The following THSD7B variants were observed in gnomAD, a reference collection of about 807,000 sequenced individuals.
THSD7B encodes the protein thrombospondin type 1 domain containing 7B, also known as thrombospondin type-1 domain-containing protein 7B.
Under a neutral mutation model 213.6 loss-of-function variants are expected in THSD7B, and 138 were observed. The observed-to-expected ratio is 0.65, with a 90% CI of 0.56 to 0.74. The LOEUF (loss-of-function observed/expected upper bound fraction) is 0.74. THSD7B is among the 30% of genes least tolerant of loss of function. The pLI is 0.00. For synonymous variants in THSD7B, 742 were observed against 687.0 expected (o/e 1.08, Z -1.25); for missense variants, 1,931 against 1,991.5 (o/e 0.97, Z 0.58).
chr2:136,962,127 A>G (rs1442746471), intron 2 of THSD7B, among the ~76,000 whole-genome samples: 1 of 152,236 alleles, frequency 6.6e-6, no homozygotes, highest in East Asian at 1.9e-4. Context: ...GAAAGACTGC[A>G]CAAGCCATTG....
In THSD7B at chr2:137,054,372, A is replaced by G. The variant is rs141737532; in HGVS notation, c.140-2048A>G. On this transcript the variant is annotated intron_variant, in intron 2 of 27. Transcript: ENST00000409968. Reference sequence around the variant, plus strand: ...AAGTGGCAGAAGGCATTGACATGCTATTGCCAAGAATGCCAGGTGTATATG... The same window carrying G: ...AAGTGGCAGAAGGCATTGACATGCTGTTGCCAAGAATGCCAGGTGTATATG... 1.2e-3 allele frequency among the ~76,000 whole-genome samples: 186 copies of G among 152,326 alleles called. 3 individuals are homozygous for G. The highest frequency in any genetic ancestry group is 3.8e-3 in the African/African-American group (159 of 41,570).
chr2:137,375,761 A>G (rs1685640268), intron 12 of THSD7B, among the ~76,000 whole-genome samples: 1 of 152,206 alleles, frequency 6.6e-6, no homozygotes, highest in Non-Finnish European at 1.5e-5. Flanking sequence ...GAAGATATGG[A>G]GATGAATAAA....
chr2:137,408,003 C>A (rs960953492), intron 13 of THSD7B, among the ~76,000 whole-genome samples: 1 of 151,344 alleles, frequency 6.6e-6, no homozygotes, highest in Non-Finnish European at 1.5e-5. Flanking sequence ...AAGAAAAAGT[C>A]TTTAGAATTG....
intron 2 of THSD7B, among the ~76,000 whole-genome samples, chr2:137,043,482 A>G (rs1686918029): frequency 6.6e-6 from 1 of 152,200 alleles, no homozygotes; most frequent in Admixed American, 6.5e-5. Context: ...TCTCTGGGGA[A>G]GCAAGGTAAA....
chr2:137,461,838 A>G (rs891333511), intron 15 of THSD7B, among the ~76,000 whole-genome samples: 2 of 152,252 alleles, frequency 1.3e-5, no homozygotes, highest in African/African-American at 2.4e-5. Flanking sequence ...TTGTGTTTCT[A>G]TCTCCTCATC....
intron 5 of THSD7B, among the ~76,000 whole-genome samples, chr2:137,150,319 T>C (rs1679792006): frequency 6.6e-6 from 1 of 152,068 alleles, no homozygotes. Context: ...GGCAGAATGA[T>C]ATGGTTTGGC....
chr2:136,801,228 T>A (rs1223557065), intron 1 of THSD7B, among the ~76,000 whole-genome samples: 2 of 152,084 alleles, frequency 1.3e-5, no homozygotes, highest in Non-Finnish European at 2.9e-5. Context: ...CTAAAATAAA[T>A]CTTGAAATGT....
chr2:137,575,387 T>G (rs1681437147), intron 17 of THSD7B, among the ~76,000 whole-genome samples: 1 of 152,002 alleles, frequency 6.6e-6, no homozygotes, highest in Non-Finnish European at 1.5e-5. Flanking sequence ...CAAAATAAGT[T>G]ATTACTTGAT....
At chr2:137,078,097 T>C (rs959484151) in intron 3 of THSD7B, among the ~76,000 whole-genome samples, 4 of 152,186 alleles carry the variant, frequency 2.6e-5, no homozygotes, top group Admixed American at 1.3e-4. Flanking sequence ...TTTCCCCATT[T>C]CTTGTTTTTG....
At chr2:136,933,412 T>TA (rs1179578248) in intron 2 of THSD7B, among the ~76,000 whole-genome samples, 2 of 151,908 alleles carry the variant, frequency 1.3e-5, no homozygotes, top group Non-Finnish European at 2.9e-5. Flanking sequence ...CTGCCTCTAC[T>TA]AAAAAAGAAT....
chr2:137,162,256 C>G (rs2104986182), intron 6 of THSD7B, among the ~76,000 whole-genome samples: 1 of 152,252 alleles, frequency 6.6e-6, no homozygotes, highest in East Asian at 1.9e-4. Context: ...TCTCTTGTGT[C>G]TGCTTTTCTC....
intron 7 of THSD7B, among the ~76,000 whole-genome samples, chr2:137,194,966 G>A (rs1301264286): frequency 1.3e-5 from 2 of 152,060 alleles, no homozygotes; most frequent in Non-Finnish European, 2.9e-5. Flanking sequence ...GGTAGAAACA[G>A]TGGGAAATCT....
At chr2:137,487,361 C>T (rs1450697883) in intron 15 of THSD7B, among the ~76,000 whole-genome samples, 3 of 88,188 alleles carry the variant, frequency 3.4e-5, no homozygotes, top group East Asian at 3.6e-4. Flanking sequence ...GGCGACAGAG[C>T]GAGACTCCGT....
chr2:136,766,318 C>T (rs979960795), intron 1 of THSD7B, among the ~76,000 whole-genome samples: 2 of 151,966 alleles, frequency 1.3e-5, no homozygotes, highest in Non-Finnish European at 2.9e-5. Flanking sequence ...TTCCCCTGTC[C>T]CTGCGAGTGG....
intron 2 of THSD7B, among the ~76,000 whole-genome samples, chr2:137,002,896 A>G (rs1448331768): frequency 6.6e-6 from 1 of 152,202 alleles, no homozygotes; most frequent in African/African-American, 2.4e-5. Flanking sequence ...TTTAAAAAAT[A>G]GATAATAAAA....
chr2:136,928,585 A>G (rs1684578868), intron 2 of THSD7B, among the ~76,000 whole-genome samples: 1 of 152,216 alleles, frequency 6.6e-6, no homozygotes, highest in Non-Finnish European at 1.5e-5. Context: ...TTCTTGGTAT[A>G]AAAGGCAATA....
intron 15 of THSD7B, among the ~76,000 whole-genome samples, chr2:137,492,678 C>G (rs1343846127): frequency 6.6e-6 from 1 of 152,104 alleles, no homozygotes; most frequent in African/African-American, 2.4e-5. Flanking sequence ...ACAATGGTTA[C>G]TTTTTAGGAA....
intron 12 of THSD7B, among the ~76,000 whole-genome samples, chr2:137,402,285 A>G (rs942728629): frequency 1.3e-5 from 2 of 152,240 alleles, no homozygotes; most frequent in South Asian, 2.1e-4. Flanking sequence ...TTTGACTACA[A>G]TATGTGTGAA....
At chr2:137,593,722 C>T (rs938240766) in intron 17 of THSD7B, among the ~76,000 whole-genome samples, 45 of 151,774 alleles carry the variant, frequency 3.0e-4, no homozygotes, top group Non-Finnish European at 3.8e-4. Context: ...TTTTATATTG[C>T]GTTTTACCTT....
Sources: allele counts gnomAD v4.1 joint callset (sites outside exome capture counted in the v4.1 genomes callset), GRCh38; gene constraint gnomAD v4.1.1; transcripts MANE v1.5; gene names NCBI Gene and HGNC (gene_info 2026-07-23, HGNC 2026-07-21).